COG3: variants seen among roughly 807,000 people sequenced by gnomAD.
COG3 encodes component of oligomeric golgi complex 3.
A neutral mutation model predicts 114.1 loss-of-function variants in COG3; 32 were observed. The observed-to-expected ratio is 0.28, with a 90% CI of 0.21 to 0.38. The LOEUF is 0.38. Among genes scored for constraint, COG3 ranks in the 10% least tolerant of loss-of-function variants. The pLI is 1.00. For synonymous variants in COG3, 352 were observed against 365.7 expected (o/e 0.96, Z 0.43); for missense variants, 813 against 973.2 (o/e 0.84, Z 2.19).
Position 45,529,783 on chromosome 13 carries a change from A to G in COG3, c.2231-8A>G. On this transcript the variant is annotated splice_polypyrimidine_tract_variant and splice_region_variant and intron_variant, in intron 20 of 22. Coordinates refer to ENST00000349995, the MANE Select transcript of COG3 (RefSeq NM_031431.4). Reference sequence around the variant, plus strand: ...TTTATGACACTAATGAGGTTACTTTATTTCCAGCAAAGGTCAATGACCTTG... The same window carrying G: ...TTTATGACACTAATGAGGTTACTTTGTTTCCAGCAAAGGTCAATGACCTTG... 6.2e-7 allele frequency: 1 copy of G among 1,601,540 alleles called. No homozygotes were observed. Among genetic ancestry groups the G allele is most frequent in the South Asian group, 1.1e-5 (1 of 88,808 alleles).
intron 11 of COG3, 68 bp from the exon 12 acceptor site, chr13:45,493,279 G>C: frequency 1.5e-6 from 2 of 1,296,688 alleles, no homozygotes; most frequent in Admixed American, 2.0e-5. Flanking sequence ...AATCAATGAG[G>C]ATTTCTAAAT....
chr13:45,467,149 G>A (rs1008660293), intron 1 of COG3, among the ~76,000 whole-genome samples: 3 of 152,210 alleles, frequency 2.0e-5, no homozygotes, highest in Non-Finnish European at 4.4e-5. Flanking sequence ...TGGACTACCT[G>A]AAGCTAGCCT....
At chr13:45,479,337 A>C (rs1886106532) in intron 3 of COG3, among the ~76,000 whole-genome samples, 1 of 152,150 alleles carries the variant, frequency 6.6e-6, no homozygotes, top group Non-Finnish European at 1.5e-5. Flanking sequence ...AACTAGGTTC[A>C]GGTAGGAGTT....
At chr13:45,469,482 C>T (rs1459052754) in intron 1 of COG3, among the ~76,000 whole-genome samples, 1 of 152,098 alleles carries the variant, frequency 6.6e-6, no homozygotes, top group Non-Finnish European at 1.5e-5. Flanking sequence ...CATGTAGTAT[C>T]CTTTTAAAAA....
intron 14 of COG3, among the ~76,000 whole-genome samples, chr13:45,504,933 T>C (rs1294475658): frequency 1.3e-5 from 2 of 152,118 alleles, no homozygotes; most frequent in African/African-American, 4.8e-5. Flanking sequence ...ACGCCTGTAA[T>C]CCTAGCACTT....
intron 8 of COG3, among the ~76,000 whole-genome samples, chr13:45,488,367 G>A (rs1360973737): frequency 1.3e-5 from 2 of 152,062 alleles, no homozygotes; most frequent in Non-Finnish European, 2.9e-5. Flanking sequence ...AGCTAAGAGG[G>A]AAGATTTGAA....
At chr13:45,519,938 A>T (rs970395211) in intron 19 of COG3, among the ~76,000 whole-genome samples, 6 of 152,096 alleles carry the variant, frequency 3.9e-5, no homozygotes, top group Admixed American at 1.3e-4. Flanking sequence ...CTAATCATTT[A>T]AAAAAAATCT....
At chr13:45,511,897 A>C in intron 16 of COG3, 43 bp downstream of exon 16, 1 of 1,430,972 alleles carries the variant, frequency 7.0e-7, no homozygotes, top group Non-Finnish European at 9.9e-7. Context: ...CTGGTAAAAT[A>C]TTGTGGAATA....
intron 12 of COG3, among the ~76,000 whole-genome samples, chr13:45,494,619 G>A (rs1326567499): frequency 6.6e-5 from 10 of 152,022 alleles, no homozygotes; most frequent in Admixed American, 2.0e-4. Flanking sequence ...TCTGCCTCCC[G>A]GGGTCAAGTG....
rs546884256 is a variant in COG3 at position 45,473,263 on chromosome 13, C to T, written c.175-2938C>T. On this transcript the variant is annotated intron_variant, in intron 1 of 22. Coordinates refer to ENST00000349995, the MANE Select transcript of COG3 (RefSeq NM_031431.4). ...CCTGTCTCTTCCTGGAGGTGCCTGT[C>T]GCTCCCCAGATTTTTATCTACTTGG... Among the ~76,000 whole-genome samples the T allele has an allele frequency of 1.8e-4, 27 of 152,216 alleles. 1 individual carries two copies. The South Asian group carries it at 3.1e-3, about 18-fold the overall frequency.
At chr13:45,531,686 G>A (rs1873178621) in intron 22 of COG3, among the ~76,000 whole-genome samples, 1 of 151,748 alleles carries the variant, frequency 6.6e-6, no homozygotes, top group African/African-American at 2.4e-5. Flanking sequence ...TTTTGTATTT[G>A]GTAGACAGAG....
chr13:45,494,379 T>C lies in COG3; in HGVS notation c.1327+893T>C, dbSNP rs576788079. On this transcript the variant is annotated intron_variant, in intron 12 of 22. Transcript: ENST00000349995. ...AAGTAATTATTCTACTCACAGAATT[T>C]ATTGTCCTCAGTTTGGCTTTCATTG... is the stretch of plus-strand genomic sequence containing the variant. Among the ~76,000 whole-genome samples the C allele has an allele frequency of 2.0e-5, 3 of 152,132 alleles. No individual in the cohort carries two copies. The South Asian group carries it at 6.2e-4, about 32-fold the overall frequency.
At chr13:45,511,405 A>G (rs1870847777) in intron 15 of COG3, among the ~76,000 whole-genome samples, 1 of 152,194 alleles carries the variant, frequency 6.6e-6, no homozygotes, top group South Asian at 2.1e-4. Context: ...GGTTTGTTTT[A>G]AAGTTGGTTT....
intron 7 of COG3, among the ~76,000 whole-genome samples, chr13:45,485,058 C>T (rs1593690735): frequency 7.4e-6 from 1 of 135,300 alleles, no homozygotes; most frequent in Non-Finnish European, 1.6e-5. Flanking sequence ...CCTTTCCCGC[C>T]TTTCTATTCC....
intron 17 of COG3, among the ~76,000 whole-genome samples, chr13:45,517,567 T>G (rs961075406): frequency 3.9e-5 from 6 of 152,214 alleles, no homozygotes; most frequent in African/African-American, 1.4e-4. Context: ...TTGGTTTGGT[T>G]TTTAAATAGG....
intron 1 of COG3, among the ~76,000 whole-genome samples, chr13:45,473,147 G>T (rs1048331058): frequency 2.0e-5 from 3 of 152,254 alleles, no homozygotes; most frequent in African/African-American, 7.2e-5. Context: ...GGGATTACAG[G>T]TGTGAGCCAC....
Position 45,479,078 on chromosome 13 carries a change from T to A in COG3, c.383+12T>A. 6.3e-7 allele frequency: 1 copy of A among 1,576,992 alleles called. No homozygotes were observed. Among genetic ancestry groups the A allele is most frequent in the Non-Finnish European group, 8.6e-7 (1 of 1,156,210 alleles). On this transcript the variant is annotated intron_variant, in intron 3 of 22. Coordinates refer to ENST00000349995, the MANE Select transcript of COG3 (RefSeq NM_031431.4). ...GGAACTAAATATAGGTATGTGTGTC[T>A]CTTGCATTTGTTGAATATCTTAATT... is the stretch of plus-strand genomic sequence containing the variant.
intron 12 of COG3, among the ~76,000 whole-genome samples, chr13:45,494,864 CT>C (rs56330728): frequency 0.15 from 19,264 of 131,510 alleles, 2,045 homozygotes; most frequent in African/African-American, 0.33. Context: ...TTTCTCTTTT[CT>C]TTTTTTTTTT....
chr13:45,535,325 T>G lies in COG3; in HGVS notation c.*594T>G. 1 of 985,458 alleles carries G rather than the reference T, an allele frequency of 1.0e-6. No homozygotes were observed. The highest frequency in any genetic ancestry group is 1.7e-5 in the African/African-American group (1 of 57,370). The allele number at this position is 985,458 out of a possible 1,614,324, so 61.0% of individuals were successfully genotyped here. ...TTCCTCTGTTTGATGTGAGGTAGTT[T>G]AAAGATACAAGGACTTTGTGTGAAG... is the stretch of plus-strand genomic sequence containing the variant. On this transcript the variant is annotated 3_prime_UTR_variant, in exon 23 of 23. Coordinates refer to ENST00000349995, the MANE Select transcript of COG3 (RefSeq NM_031431.4).
Sources: allele counts gnomAD v4.1 joint callset (sites outside exome capture counted in the v4.1 genomes callset), GRCh38; gene constraint gnomAD v4.1.1; transcripts MANE v1.5; gene names NCBI Gene and HGNC (gene_info 2026-07-23, HGNC 2026-07-21).